Variants in NRCAM observed in about 807,000 individuals in gnomAD.
NRCAM encodes NgCAM-related cell adhesion molecule.
Under a neutral mutation model 156.5 loss-of-function variants are expected in NRCAM, and 83 were observed. The observed-to-expected ratio is 0.53, with a 90% CI of 0.44 to 0.64. NRCAM has a LOEUF of 0.64. Ranked by LOEUF, NRCAM falls within the 30% of genes least tolerant of loss-of-function variation. NRCAM has a pLI of 0.00. For missense variants in NRCAM, 1,417 were observed against 1,597.3 expected (o/e 0.89, Z 1.92); for synonymous variants, 538 against 563.9 (o/e 0.95, Z 0.65).
chr7:108,178,958 T>C (rs2062080925), intron 25 of NRCAM, among the ~76,000 whole-genome samples: 1 of 152,186 alleles, frequency 6.6e-6, no homozygotes, highest in Non-Finnish European at 1.5e-5. Context: ...ATCTAAATCA[T>C]ATCCATTTCT....
chr7:108,177,562 G>A (rs963597164), intron 26 of NRCAM, among the ~76,000 whole-genome samples: 2 of 151,616 alleles, frequency 1.3e-5, no homozygotes, highest in Non-Finnish European at 2.9e-5. Flanking sequence ...GATGGAGCTT[G>A]CAGTGAGCCA....
At chr7:108,344,916 CA>C (rs1452609717) in intron 2 of NRCAM, among the ~76,000 whole-genome samples, 1 of 152,098 alleles carries the variant, frequency 6.6e-6, no homozygotes, top group African/African-American at 2.4e-5. Context: ...TGCTGCCTTT[CA>C]TTATATGAAG....
rs62001038 is a variant in NRCAM, at chr7:108,150,081, T to C, written c.3744A>G (p.Lys1248=). The C allele has an allele frequency of 4.0e-3, 6,505 of 1,614,058 alleles. 244 individuals carry two copies. In the African/African-American group the frequency reaches 0.075, roughly 19 times the overall value. Reference sequence around the variant, plus strand: ...CAACTAGGCTGTCGTCACTATCTTCTTTTTTCACAGTCCTGTCTGAAGGAG... The same window carrying C: ...CAACTAGGCTGTCGTCACTATCTTCCTTTTTCACAGTCCTGTCTGAAGGAG... ...SRTPSDRTVK[K]EDSDDSLVDY... is the part of the protein sequence containing the mutation. The change falls in exon 33 of 33, where the codon AAA becomes AAG. Residue 1248 remains lysine (K), a synonymous_variant. Coordinates refer to ENST00000379028, the MANE Select transcript of NRCAM (RefSeq NM_001037132.4).
At chr7:108,351,997 C>T (rs1217720824) in intron 2 of NRCAM, among the ~76,000 whole-genome samples, 1 of 152,026 alleles carries the variant, frequency 6.6e-6, no homozygotes, top group Non-Finnish European at 1.5e-5. Context: ...GGGGACCCCT[C>T]TCAAAGCAGA....
intron 2 of NRCAM, among the ~76,000 whole-genome samples, chr7:108,376,259 G>C (rs1189717134): frequency 6.6e-6 from 1 of 152,158 alleles, no homozygotes; most frequent in Non-Finnish European, 1.5e-5. Context: ...AGACTAAAAT[G>C]GCTGGGGTTC....
intron 2 of NRCAM, among the ~76,000 whole-genome samples, chr7:108,331,919 A>C (rs1258744333): frequency 6.6e-6 from 1 of 152,238 alleles, no homozygotes; most frequent in African/African-American, 2.4e-5. Flanking sequence ...TACAGGAAGT[A>C]AAAAGAGTGT....
At chr7:108,191,618 C>T in intron 18 of NRCAM, 111 bp downstream of exon 18, 1 of 1,269,510 alleles carries the variant, frequency 7.9e-7, no homozygotes, top group Non-Finnish European at 1.1e-6. Flanking sequence ...GGTATGAACT[C>T]ACCCATGCAT....
intron 2 of NRCAM, among the ~76,000 whole-genome samples, chr7:108,323,084 CTA>C (rs2099021639): frequency 6.6e-6 from 1 of 152,018 alleles, no homozygotes; most frequent in Admixed American, 6.6e-5. Context: ...ATTGGAAGGC[CTA>C]TCATAATAAG....
At chr7:108,283,236 C>T (rs1167097491) in intron 3 of NRCAM, among the ~76,000 whole-genome samples, 2 of 152,226 alleles carry the variant, frequency 1.3e-5, no homozygotes, top group African/African-American at 2.4e-5. Context: ...AAGACTATTA[C>T]ATAACTGTCT....
chr7:108,191,762 T>C lies in NRCAM; in HGVS notation c.1870A>G (p.Ser624Gly). Residue 624 changes from serine (S) to glycine (G), a missense_variant, in exon 18 of 33, where the codon AGC becomes GGC. Around this residue, in one of 2 missense-constraint regions of NRCAM, gnomAD observed 1,238 missense variants for 1,336.4 expected, o/e 0.93. Coordinates refer to ENST00000379028, the MANE Select transcript of NRCAM (RefSeq NM_001037132.4). The stretch of plus-strand genomic sequence containing the variant: ...CTAAGCACAGCGCTGGCGGAGACGC[T>C]GTCCAGAGTGGTGTTGGCCACACAC... Reference protein sequence around the residue: ...YTCVANTTLDSVSASAVLSVV... With the variant: ...YTCVANTTLDGVSASAVLSVV... 1 of 1,613,998 alleles carries C rather than the reference T, an allele frequency of 6.2e-7. No individual in the cohort carries two copies. Among genetic ancestry groups the C allele is most frequent in the Non-Finnish European group, 8.5e-7 (1 of 1,179,892 alleles).
intron 3 of NRCAM, among the ~76,000 whole-genome samples, chr7:108,271,416 G>A (rs563088790): frequency 6.6e-6 from 1 of 152,264 alleles, no homozygotes; most frequent in Admixed American, 6.5e-5. Context: ...CTAACAAAGT[G>A]ACCAGGCACG....
At chr7:108,242,857 A>AT (rs1295331801) in intron 3 of NRCAM, among the ~76,000 whole-genome samples, 2 of 152,192 alleles carry the variant, frequency 1.3e-5, no homozygotes, top group Non-Finnish European at 2.9e-5. Context: ...TTCTTCATGT[A>AT]TTTTGTCTGG....
At chr7:108,453,066 A>T (rs1481189488) in intron 1 of NRCAM, among the ~76,000 whole-genome samples, 1 of 152,242 alleles carries the variant, frequency 6.6e-6, no homozygotes, top group Non-Finnish European at 1.5e-5. Context: ...CTAGATGATA[A>T]AATTAGAATT....
Position 108,167,050 on chromosome 7 carries a change from TTTC to T in NRCAM, c.3334_3336del (p.Glu1112del). 4 of 1,613,670 alleles carry T rather than the reference TTTC, an allele frequency of 2.5e-6. No individual in the cohort carries two copies. Among genetic ancestry groups the T allele is most frequent in the Non-Finnish European group, 3.4e-6 (4 of 1,179,728 alleles). ...AAGAAGCTCCGAGAACCATTTACAA[TTTC>T]TTTTCTCCATTCTTCTTTGCCTATG... On this transcript the variant is annotated inframe_deletion, in exon 30 of 33. Coordinates refer to ENST00000379028, the MANE Select transcript of NRCAM (RefSeq NM_001037132.4).
intron 3 of NRCAM, among the ~76,000 whole-genome samples, chr7:108,305,826 C>T (rs181746721): frequency 5.9e-5 from 9 of 152,206 alleles, no homozygotes; most frequent in African/African-American, 1.7e-4. Context: ...TTAAATAGAT[C>T]GTATAATTAA....
intron 10 of NRCAM, 94 bp from the exon 11 acceptor site, chr7:108,223,930 C>T: frequency 1.5e-6 from 1 of 673,340 alleles, no homozygotes; most frequent in South Asian, 1.8e-5. Context: ...ATTCCAATCC[C>T]TTTTTAAGCT....
intron 2 of NRCAM, among the ~76,000 whole-genome samples, chr7:108,340,854 T>C (rs990466772): frequency 6.6e-6 from 1 of 152,190 alleles, no homozygotes; most frequent in Admixed American, 6.5e-5. Flanking sequence ...CTCAGTCAGC[T>C]ACAGACATCA....
intron 4 of NRCAM, 60 bp downstream of exon 4, chr7:108,239,899 T>G: frequency 1.0e-6 from 1 of 1,004,724 alleles, no homozygotes. Flanking sequence ...TTCAGAGTGA[T>G]GATAAATGCT....
At chr7:108,382,315 G>C (rs192655764) in intron 2 of NRCAM, among the ~76,000 whole-genome samples, 1 of 152,052 alleles carries the variant, frequency 6.6e-6, no homozygotes, top group East Asian at 1.9e-4. Context: ...CACTAACAAG[G>C]CTGGGCGCGG....
Sources: gnomAD v4.1 joint callset for allele counts (sites outside exome capture counted in the v4.1 genomes callset) on GRCh38, gnomAD v4.1.1 for gene constraint, gnomAD v4.1.1 regional missense constraint, MANE v1.5 for transcripts, NCBI Gene and HGNC (gene_info 2026-07-23, HGNC 2026-07-21) for gene names.